Variants in SKAP1 observed in about 807,000 individuals in gnomAD.
The protein encoded by SKAP1 is src kinase-associated phosphoprotein 1.
SKAP1 carries 44 observed loss-of-function variants against 58.5 expected under a neutral mutation model. That is an observed-to-expected ratio of 0.75 (90% CI 0.59 to 0.97). The LOEUF (loss-of-function observed/expected upper bound fraction) is 0.97, where lower values mean the gene tolerates loss of function less well. SKAP1 is among the 50% of genes least tolerant of loss of function. SKAP1 has a pLI of 0.00. For missense variants in SKAP1, 390 were observed against 435.2 expected, an observed-to-expected ratio of 0.90 and a Z score of 0.92; for synonymous variants, 127 against 149.7, an observed-to-expected ratio of 0.85 and a Z score of 1.11.
chr17:48,363,705 G>A, intron 3 of SKAP1, 84 bp downstream of exon 3: 1 of 1,200,548 alleles, frequency 8.3e-7, no homozygotes, highest in Non-Finnish European at 1.2e-6. Context: ...ACTCTGTGGA[G>A]AAGCTTGTAG....
At chr17:48,152,954 G>A (rs947551594) in intron 11 of SKAP1, among the ~76,000 whole-genome samples, 3 of 151,972 alleles carry the variant, frequency 2.0e-5, no homozygotes, top group Non-Finnish European at 2.9e-5. Flanking sequence ...CTAGGTAAAC[G>A]TTTCTGTCTG....
chr17:48,330,572 A>G (rs2066492203), intron 4 of SKAP1, among the ~76,000 whole-genome samples: 1 of 152,256 alleles, frequency 6.6e-6, no homozygotes, highest in Non-Finnish European at 1.5e-5. Flanking sequence ...TGGGGGAAGG[A>G]GAAGGGAAGC....
chr17:48,166,665 T>C (rs567866802), intron 10 of SKAP1, among the ~76,000 whole-genome samples: 2 of 152,316 alleles, frequency 1.3e-5, no homozygotes, highest in South Asian at 4.1e-4. Flanking sequence ...AGGCCTGGCA[T>C]TGAGTACAAC....
chr17:48,341,552 T>A (rs2066653039), intron 4 of SKAP1, among the ~76,000 whole-genome samples: 1 of 152,204 alleles, frequency 6.6e-6, no homozygotes, highest in Non-Finnish European at 1.5e-5. Context: ...ATTCTCTATA[T>A]TTTTAAATGT....
chr17:48,372,226 C>G (rs1321345788), intron 2 of SKAP1, among the ~76,000 whole-genome samples: 1 of 152,204 alleles, frequency 6.6e-6, no homozygotes, highest in African/African-American at 2.4e-5. Flanking sequence ...CCCACCTCAG[C>G]CTCCCAAAGT....
intron 2 of SKAP1, among the ~76,000 whole-genome samples, chr17:48,394,900 T>C (rs2067396490): frequency 6.6e-6 from 1 of 152,210 alleles, no homozygotes; most frequent in East Asian, 1.9e-4. Context: ...TTGTACAGTA[T>C]CTAATTTCTG....
chr17:48,141,620 G>A (rs2143040030), intron 11 of SKAP1, among the ~76,000 whole-genome samples: 1 of 152,016 alleles, frequency 6.6e-6, no homozygotes, highest in South Asian at 2.1e-4. Flanking sequence ...CAGGTGATCT[G>A]CCTGCCTCGG....
chr17:48,243,862 C>A (rs2065267418), intron 4 of SKAP1, among the ~76,000 whole-genome samples: 1 of 152,128 alleles, frequency 6.6e-6, no homozygotes, highest in Non-Finnish European at 1.5e-5. Flanking sequence ...AGAAAGGAAT[C>A]ATTTCATTCT....
At chr17:48,216,769 G>T (rs984282381) in intron 4 of SKAP1, among the ~76,000 whole-genome samples, 2 of 152,100 alleles carry the variant, frequency 1.3e-5, no homozygotes, top group Non-Finnish European at 2.9e-5. Context: ...TGGGATTACA[G>T]GTGTGAGCCA....
chr17:48,186,286 G>A (rs571544964), intron 6 of SKAP1, among the ~76,000 whole-genome samples: 1 of 152,202 alleles, frequency 6.6e-6, no homozygotes, highest in Non-Finnish European at 1.5e-5. Flanking sequence ...AAACTATGCT[G>A]TTATCCTTCC....
At position 48,363,816 on chromosome 17, in the gene SKAP1, T is replaced by G. The variant is rs1023653824; in HGVS notation, c.153-2A>C. ...TGGGGCTGAAAATCCCAATAGTACC[T>G]GAAATACAAGGGGGAAAAAAAAAGG... On this transcript the variant is annotated splice_acceptor_variant, in intron 2 of 12. Coordinates refer to ENST00000336915, the MANE Select transcript of SKAP1 (RefSeq NM_003726.4). LOFTEE classifies it high-confidence loss of function. 1.2e-6 allele frequency: 2 copies of G among 1,604,586 alleles called. No homozygotes were observed. The highest frequency in any genetic ancestry group is 3.4e-5 in the Admixed American group (2 of 58,130).
intron 4 of SKAP1, among the ~76,000 whole-genome samples, chr17:48,208,190 A>G (rs555514686): frequency 8.5e-4 from 130 of 152,304 alleles, no homozygotes; most frequent in African/African-American, 3.1e-3. Context: ...TCAAGTGGAA[A>G]CAACGGCAAT....
chr17:48,265,040 G>C (rs970904656), intron 4 of SKAP1, among the ~76,000 whole-genome samples: 6 of 152,138 alleles, frequency 3.9e-5, no homozygotes, highest in African/African-American at 1.4e-4. Flanking sequence ...GATGGGGAAG[G>C]CTGCTCTCCT....
chr17:48,302,980 T>C (rs2066081987), intron 4 of SKAP1, among the ~76,000 whole-genome samples: 1 of 152,194 alleles, frequency 6.6e-6, no homozygotes, highest in South Asian at 2.1e-4. Flanking sequence ...TATTTTAAAC[T>C]TTATCTTAAA....
At chr17:48,188,603 C>T (rs1290410541) in intron 5 of SKAP1, among the ~76,000 whole-genome samples, 2 of 152,030 alleles carry the variant, frequency 1.3e-5, no homozygotes, top group African/African-American at 4.8e-5. Flanking sequence ...GGGAGCATTG[C>T]TTGAGCCCAG....
intron 2 of SKAP1, among the ~76,000 whole-genome samples, chr17:48,385,962 T>C (rs2067270203): frequency 6.6e-6 from 1 of 152,176 alleles, no homozygotes; most frequent in Non-Finnish European, 1.5e-5. Flanking sequence ...ATGGCTGGAA[T>C]GCCTGGCATC....
At chr17:48,333,906 C>A (rs1166386637) in intron 4 of SKAP1, among the ~76,000 whole-genome samples, 1 of 151,970 alleles carries the variant, frequency 6.6e-6, no homozygotes, top group African/African-American at 2.4e-5. Flanking sequence ...CTCCTTGAAT[C>A]ATCCTGATGT....
At chr17:48,267,250 C>T (rs760884107) in intron 4 of SKAP1, among the ~76,000 whole-genome samples, 1 of 151,994 alleles carries the variant, frequency 6.6e-6, no homozygotes, top group African/African-American at 2.4e-5. Flanking sequence ...AGTTATTAGG[C>T]CTTAGAGAAA....
At chr17:48,326,124 T>C (rs1428346513) in intron 4 of SKAP1, among the ~76,000 whole-genome samples, 1 of 152,216 alleles carries the variant, frequency 6.6e-6, no homozygotes, top group East Asian at 1.9e-4. Context: ...TTATAACACT[T>C]TGTAATCCTT....
Sources: gnomAD v4.1 joint callset for allele counts (sites outside exome capture counted in the v4.1 genomes callset) on GRCh38, gnomAD v4.1.1 for gene constraint, MANE v1.5 for transcripts, NCBI Gene and HGNC (gene_info 2026-07-23, HGNC 2026-07-21) for gene names.